Variants in TENM2 observed in about 807,000 individuals in gnomAD.
TENM2 encodes teneurin-2.
TENM2 carries 52 observed loss-of-function variants against 245.2 expected under a neutral mutation model. The ratio of observed to expected loss-of-function variants is 0.21; its 90% CI spans 0.17 to 0.27. The LOEUF is 0.27. Ranked by LOEUF, TENM2 falls within the 10% of genes least tolerant of loss-of-function variation. The pLI is 1.00. For missense variants in TENM2, 3,046 were observed against 3,666.8 expected, an observed-to-expected ratio of 0.83 and a Z score of 4.37; for synonymous variants, 1,363 against 1,438.9, an observed-to-expected ratio of 0.95 and a Z score of 1.19.
intron 1 of TENM2, among the ~76,000 whole-genome samples, chr5:167,365,656 G>A (rs984601791): frequency 3.3e-5 from 5 of 151,874 alleles, no homozygotes; most frequent in Non-Finnish European, 7.4e-5. Context: ...ATATTAGAAA[G>A]CATATATTAC....
chr5:167,623,673 A>G (rs191090970), intron 2 of TENM2, among the ~76,000 whole-genome samples: 1 of 151,814 alleles, frequency 6.6e-6, no homozygotes, highest in Non-Finnish European at 1.5e-5. Context: ...AGCAAGAACA[A>G]CTCTTGTATT....
Position 168,218,728 on chromosome 5 carries a change from T to C in TENM2, c.4837T>C (p.Tyr1613His). 6.2e-7 allele frequency: 1 copy of C among 1,613,714 alleles called. No individual in the cohort carries two copies. Among genetic ancestry groups the C allele is most frequent in the South Asian group, 1.1e-5 (1 of 91,044 alleles). The change falls in exon 23 of 29, where the codon TAC becomes CAC. Residue 1613 changes from tyrosine (Y) to histidine (H), a missense_variant. Tyr to His is a moderately conservative substitution (Grantham distance 83, BLOSUM62 2). This residue lies in a region of TENM2 where 2,704 missense variants were observed against 3,331.9 expected (regional missense o/e 0.81). Transcript: ENST00000518659. The surrounding 1 kb of genome is among the most constrained non-coding windows in gnomAD (Gnocchi z 5.2). The stretch of plus-strand genomic sequence containing the variant: ...CACTGTGAGCCTGGTGACAGGGGAG[T>C]ACTTGTACAATTTCACATATAGTAC...
At chr5:167,218,448 A>G in the TENM2 span, among the ~76,000 whole-genome samples, 1 of 152,078 alleles carries the variant, frequency 6.6e-6, no homozygotes, top group Non-Finnish European at 1.5e-5. Context: ...TTGTGTTTTC[A>G]TAAGGGCTTT....
intron 2 of TENM2, among the ~76,000 whole-genome samples, chr5:167,698,662 GT>G (rs990416700): frequency 2.3e-5 from 3 of 128,886 alleles, no homozygotes; most frequent in Non-Finnish European, 5.0e-5. Context: ...GTGTGTGTGT[GT>G]TTTGTTTTGT....
At chr5:167,881,598 C>T (rs533658798) in intron 3 of TENM2, among the ~76,000 whole-genome samples, 214 of 152,292 alleles carry the variant, frequency 1.4e-3, no homozygotes, top group Non-Finnish European at 2.6e-3. Context: ...CGCACATAAG[C>T]CACTTTGACT....
At chr5:167,929,117 G>GAAAGAAAGA (rs1561946111) in intron 3 of TENM2, among the ~76,000 whole-genome samples, 1 of 67,208 alleles carries the variant, frequency 1.5e-5, no homozygotes, top group Non-Finnish European at 2.9e-5. Context: ...AAGAAAGAAA[G>GAAAGAAAGA]AAAGAAAGAA....
At chr5:167,227,504 T>C in the TENM2 span, among the ~76,000 whole-genome samples, 1 of 152,198 alleles carries the variant, frequency 6.6e-6, no homozygotes, top group Non-Finnish European at 1.5e-5. Flanking sequence ...TATTTCTCCT[T>C]CATTTATGAG....
intron 26 of TENM2, 128 bp from the exon 29 acceptor site, chr5:168,246,629 T>G (rs1317321527): frequency 7.4e-6 from 7 of 939,718 alleles, no homozygotes; most frequent in Non-Finnish European, 1.1e-5. Flanking sequence ...CTGTTTAATC[T>G]GGTCTAAGCT....
intron 1 of TENM2, among the ~76,000 whole-genome samples, chr5:167,347,048 A>G (rs1758503391): frequency 6.6e-6 from 1 of 151,872 alleles, no homozygotes; most frequent in South Asian, 2.1e-4. Flanking sequence ...TGCTGTGATT[A>G]TTTGCATGAG....
intron 2 of TENM2, among the ~76,000 whole-genome samples, chr5:167,598,417 A>C (rs1270268552): frequency 6.6e-6 from 1 of 152,168 alleles, no homozygotes; most frequent in African/African-American, 2.4e-5. Context: ...CTCTCCTGAA[A>C]TCTCAAGGGG....
intron 7 of TENM2, among the ~76,000 whole-genome samples, chr5:168,085,147 G>T (rs531649248): frequency 2.2e-4 from 33 of 152,362 alleles, no homozygotes; most frequent in African/African-American, 7.7e-4. Flanking sequence ...GGGTTTTGGG[G>T]AGGATGAAAT....
At chr5:166,992,679 T>G in the TENM2 span, among the ~76,000 whole-genome samples, 1 of 152,156 alleles carries the variant, frequency 6.6e-6, no homozygotes, top group African/African-American at 2.4e-5. Flanking sequence ...TAACAAGAGA[T>G]CTCTCCAAAT....
chr5:167,270,731 G>T, the TENM2 span, among the ~76,000 whole-genome samples: 1 of 152,146 alleles, frequency 6.6e-6, no homozygotes, highest in Non-Finnish European at 1.5e-5. Context: ...AAGGGCAGGG[G>T]AGAATGCTCT....
At chr5:167,439,642 C>T (rs189677663) in intron 2 of TENM2, among the ~76,000 whole-genome samples, 45 of 152,122 alleles carry the variant, frequency 3.0e-4, no homozygotes, top group African/African-American at 9.9e-4. Flanking sequence ...TTAACATGCA[C>T]GAATAATACA....
chr5:168,199,300 A>G (rs1309131885), intron 16 of TENM2, among the ~76,000 whole-genome samples, 186 bp downstream of exon 18: 1 of 152,284 alleles, frequency 6.6e-6, no homozygotes, highest in Non-Finnish European at 1.5e-5. Context: ...GGATGTCTGC[A>G]GATAGTCGTT....
intron 2 of TENM2, among the ~76,000 whole-genome samples, chr5:167,779,219 T>C (rs1764016875): frequency 2.0e-5 from 3 of 152,238 alleles, no homozygotes; most frequent in African/African-American, 7.2e-5. Context: ...TAGGGACTAA[T>C]GTGAAGACCT....
At chr5:167,753,931 C>G (rs1561740924) in intron 2 of TENM2, among the ~76,000 whole-genome samples, 2 of 152,288 alleles carry the variant, frequency 1.3e-5, no homozygotes, top group Non-Finnish European at 2.9e-5. Flanking sequence ...TATGCTCCGT[C>G]AGTCATTCTG....
intron 2 of TENM2, among the ~76,000 whole-genome samples, chr5:167,437,930 T>G (rs887544921): frequency 3.3e-5 from 5 of 152,212 alleles, no homozygotes; most frequent in African/African-American, 1.2e-4. Context: ...ATATCGTTAT[T>G]AGCAGCATGA....
At chr5:168,194,575 C>A (rs1761221241) in intron 14 of TENM2, among the ~76,000 whole-genome samples, 1 of 152,112 alleles carries the variant, frequency 6.6e-6, no homozygotes, top group Non-Finnish European at 1.5e-5. Context: ...TAGATATATA[C>A]ACATTTTTAT....
Sources: gnomAD v4.1 joint callset for allele counts (sites outside exome capture counted in the v4.1 genomes callset) on GRCh38, gnomAD v4.1.1 for gene constraint, gnomAD v4.1.1 regional missense constraint, Gnocchi (gnomAD v3.1) non-coding constraint, MANE v1.5 for transcripts, NCBI Gene and HGNC (gene_info 2026-07-23, HGNC 2026-07-21) for gene names.